The following CEP63 variants were observed in gnomAD, a reference collection of about 807,000 sequenced individuals.
CEP63 encodes centrosomal protein 63.
CEP63 carries 84 observed loss-of-function variants against 89.1 expected under a neutral mutation model. The observed-to-expected ratio is 0.94, with a 90% confidence interval of 0.79 to 1.13. CEP63 has a LOEUF of 1.13. CEP63 is among the 50% of genes most tolerant of loss of function. CEP63 has a pLI of 0.00. For missense variants in CEP63, 838 were observed against 813.3 expected, an observed-to-expected ratio of 1.03 and a Z score of -0.37; for synonymous variants, 267 against 272.5, an observed-to-expected ratio of 0.98 and a Z score of 0.20.
At chr3:134,610,488 C>T in the CEP63 span, 6 of 936,232 alleles carry the variant, frequency 6.4e-6, no homozygotes, top group Non-Finnish European at 6.5e-6. Flanking sequence ...ATCAGTCCTC[C>T]CTGTCTATCC....
Position 134,512,716 on chromosome 3 carries a change from A to G in CEP63, c.222+5430A>G, listed in dbSNP as rs142651475. ...TTTCATTTATAGTTTTAGCTGTTTA[A>G]TGACTTGGTACTATGAAAGATGTGG... On this transcript the variant is annotated intron_variant, in intron 3 of 14. Transcript: ENST00000675561. Among the ~76,000 whole-genome samples, 642 of 152,218 alleles carry G rather than the reference A, an allele frequency of 4.2e-3. 3 individuals are homozygous for G. Among genetic ancestry groups the G allele is most frequent in the Non-Finnish European group, 6.8e-3 (463 of 68,008 alleles).
chr3:134,612,443 G>A, the CEP63 span, among the ~76,000 whole-genome samples: 1 of 152,188 alleles, frequency 6.6e-6, no homozygotes, highest in Non-Finnish European at 1.5e-5. Context: ...AGCAGAAGGT[G>A]GTGGGGAGTG....
At chr3:134,642,187 G>T in the CEP63 span, among the ~76,000 whole-genome samples, 1,045 of 152,274 alleles carry the variant, frequency 6.9e-3, 14 homozygotes, top group African/African-American at 0.024. Context: ...ACCTGCCAGC[G>T]CCTTTCTATA....
chr3:134,754,149 C>A, the CEP63 span, among the ~76,000 whole-genome samples: 84 of 152,214 alleles, frequency 5.5e-4, no homozygotes, highest in Admixed American at 1.1e-3. Flanking sequence ...TTCCCTCCTG[C>A]CTTGGCTTGG....
intron 10 of CEP63, among the ~76,000 whole-genome samples, chr3:134,583,890 C>T (rs1377949930): frequency 3.3e-5 from 5 of 152,038 alleles, no homozygotes; most frequent in Non-Finnish European, 4.4e-5. Flanking sequence ...TGAAGAGGTC[C>T]TTCACATCCC....
chr3:134,772,016 G>A, the CEP63 span, among the ~76,000 whole-genome samples: 101 of 152,240 alleles, frequency 6.6e-4, 4 homozygotes, highest in South Asian at 0.018. Context: ...ATGGATGAGG[G>A]GTTAGTTACA....
chr3:134,765,996 A>G, the CEP63 span, among the ~76,000 whole-genome samples: 1 of 152,226 alleles, frequency 6.6e-6, no homozygotes, highest in African/African-American at 2.4e-5. Context: ...TATAGGGGTC[A>G]GAGATGAAGG....
At chr3:134,733,661 A>G in the CEP63 span, among the ~76,000 whole-genome samples, 1 of 152,268 alleles carries the variant, frequency 6.6e-6, no homozygotes, top group East Asian at 1.9e-4. Flanking sequence ...GCAGAGACTG[A>G]AGGGTGCAGC....
chr3:134,652,792 A>G, the CEP63 span, among the ~76,000 whole-genome samples: 12 of 152,138 alleles, frequency 7.9e-5, no homozygotes, highest in Non-Finnish European at 1.3e-4. Flanking sequence ...AGTCCCCCCA[A>G]CTACCCTGGG....
the CEP63 span, among the ~76,000 whole-genome samples, chr3:134,760,852 G>A: frequency 6.6e-6 from 1 of 152,086 alleles, no homozygotes; most frequent in African/African-American, 2.4e-5. Flanking sequence ...CTCCGGACTT[G>A]GAGGGCACCT....
chr3:134,662,547 A>C, the CEP63 span, among the ~76,000 whole-genome samples: 1 of 152,238 alleles, frequency 6.6e-6, no homozygotes, highest in Non-Finnish European at 1.5e-5. Context: ...AATCTTAATC[A>C]TCCCAACAAC....
the CEP63 span, among the ~76,000 whole-genome samples, chr3:134,690,875 A>G: frequency 6.6e-6 from 1 of 151,804 alleles, no homozygotes; most frequent in Admixed American, 6.6e-5. Flanking sequence ...CAGCCTCCCA[A>G]GTAGCTGGGA....
At chr3:134,776,442 A>C in the CEP63 span, among the ~76,000 whole-genome samples, 1 of 152,146 alleles carries the variant, frequency 6.6e-6, no homozygotes, top group South Asian at 2.1e-4. Context: ...TCTGGTGTAT[A>C]TTACACTGAT....
chr3:134,638,251 G>A, the CEP63 span, among the ~76,000 whole-genome samples: 1 of 152,192 alleles, frequency 6.6e-6, no homozygotes, highest in Non-Finnish European at 1.5e-5. Flanking sequence ...GCATGGAGTG[G>A]AGAGAGTTTG....
In CEP63 at chr3:134,547,469, G is replaced by A. The variant is rs1953676246; in HGVS notation, c.1064G>A (p.Gly355Asp). The A allele has an allele frequency of 1.1e-5, 18 of 1,613,462 alleles. No homozygotes were observed. Among genetic ancestry groups the A allele is most frequent in the Non-Finnish European group, 1.4e-5 (16 of 1,179,596 alleles). ...LLQAEVTCLE[G>D]SLESVSATCK... ...CAGGCAGAGGTGACTTGTCTTGAAGGCAGGTACATAATTATACACACATTT... is the reference window on the plus strand; with the variant it reads ...CAGGCAGAGGTGACTTGTCTTGAAGACAGGTACATAATTATACACACATTT... Residue 355 changes from glycine (G) to aspartate (D), a missense_variant, in exon 9 of 15, where the codon GGC (glycine) becomes GAC (aspartate). Coordinates refer to ENST00000675561, the MANE Select transcript of CEP63 (RefSeq NM_001353108.3).
At chr3:134,597,592 C>T in the CEP63 span, among the ~76,000 whole-genome samples, 4 of 152,220 alleles carry the variant, frequency 2.6e-5, no homozygotes, top group Non-Finnish European at 5.9e-5. Context: ...TGAACTGAGG[C>T]CAAGCTCTTG....
At chr3:134,494,776 GGA>G (rs1202583911) in intron 1 of CEP63, among the ~76,000 whole-genome samples, 3 of 152,202 alleles carry the variant, frequency 2.0e-5, no homozygotes, top group Non-Finnish European at 4.4e-5. Flanking sequence ...GCCTTTCGGT[GGA>G]GAGAGGATGT....
chr3:134,720,281 G>T, the CEP63 span, among the ~76,000 whole-genome samples: 264 of 151,966 alleles, frequency 1.7e-3, 1 homozygote, highest in African/African-American at 6.0e-3. Flanking sequence ...ATGTCTATTC[G>T]AACTTTTTTC....
intron 2 of CEP63, among the ~76,000 whole-genome samples, chr3:134,496,432 G>A (rs201059603): frequency 0.1 from 117 of 1,148 alleles, no homozygotes; most frequent in African/African-American, 0.23. Context: ...AGAAAAAAAA[G>A]GGGGGGGGGG....
Sources: allele counts gnomAD v4.1 joint callset (sites outside exome capture counted in the v4.1 genomes callset), GRCh38; gene constraint gnomAD v4.1.1; transcripts MANE v1.5; gene names NCBI Gene and HGNC (gene_info 2026-07-23, HGNC 2026-07-21).